RHBDF1: variants seen among roughly 807,000 people sequenced by gnomAD.
RHBDF1 encodes the protein rhomboid 5 homolog 1, also known as inactive rhomboid protein 1.
In RHBDF1, 80 loss-of-function variants were observed where a neutral mutation model predicts 98.6. That is an observed-to-expected ratio of 0.81 (90% confidence interval 0.68 to 0.98). RHBDF1 has a LOEUF of 0.98. Ranked by LOEUF, RHBDF1 falls within the 50% of genes least tolerant of loss-of-function variation. The pLI, the probability that RHBDF1 is intolerant of heterozygous loss-of-function variation, is 0.00. For synonymous variants in RHBDF1, 512 were observed against 486.8 expected (o/e 1.05, Z -0.68); for missense variants, 1,116 against 1,198.3 (o/e 0.93, Z 1.01).
At chr16:64,868 G>A (rs1318017791) in intron 2 of RHBDF1, 31 bp downstream of exon 2, 3 of 1,613,908 alleles carry the variant, frequency 1.9e-6, no homozygotes, top group South Asian at 1.1e-5. Context: ...TGGACAGGGG[G>A]CACCCACAGT....
intron 1 of RHBDF1, among the ~76,000 whole-genome samples, chr16:68,400 C>T (rs956393559): frequency 6.6e-6 from 1 of 152,218 alleles, no homozygotes; most frequent in African/African-American, 2.4e-5. Flanking sequence ...ACATTGCCCT[C>T]CCAGAGACAG....
At chr16:61,303 G>T (rs902314251) in intron 10 of RHBDF1, 22 bp from the exon 11 acceptor site, 2 of 1,541,632 alleles carry the variant, frequency 1.3e-6, no homozygotes, top group East Asian at 2.5e-5. Context: ...GGAGACGAGC[G>T]GCCGCAGTCC....
Position 62,772 on chromosome 16 carries a change from T to C in RHBDF1, c.795+3A>G, listed in dbSNP as rs548997243. On this transcript the variant is annotated splice_donor_region_variant and intron_variant, in intron 6 of 17. Transcript: ENST00000262316. ...GTGGGGGGACACCCCGGGCACTTCT[T>C]ACCCGGGCAAAGAAGGATGTGTCCA... is the stretch of plus-strand genomic sequence containing the variant. 5.0e-6 allele frequency: 8 copies of C among 1,613,916 alleles called. No individual in the cohort carries two copies. The Admixed American group carries it at 1.3e-4, about 27-fold the overall frequency.
upstream of RHBDF1, chr16:72,666 C>G (rs1898010376): frequency 1.0e-6 from 1 of 980,654 alleles, no homozygotes; most frequent in Non-Finnish European, 1.2e-6. Context: ...GGGGCGGGCC[C>G]GGCCGGAGCG....
intron 13 of RHBDF1, 41 bp downstream of exon 13, chr16:60,175 G>T: frequency 6.2e-7 from 1 of 1,613,538 alleles, no homozygotes; most frequent in South Asian, 1.1e-5. Flanking sequence ...TCTCCCACAT[G>T]ACACGGAGGG....
At position 64,720 on chromosome 16, in the gene RHBDF1, G is replaced by A. The variant is rs773567220; in HGVS notation, c.227C>T (p.Ser76Phe). Residue 76 changes from serine (S) to phenylalanine (F), a missense_variant, in exon 3 of 18, where the codon TCC becomes TTC. Ser to Phe is a radical substitution (Grantham distance 155). Coordinates refer to ENST00000262316, the MANE Select transcript of RHBDF1 (RefSeq NM_022450.5). Reference sequence around the variant, plus strand: ...GTACCTGCGGATGGTCTGTGTGATGGACGTCTGGCGTTGCAGCACCGGCCG... The same window carrying A: ...GTACCTGCGGATGGTCTGTGTGATGAACGTCTGGCGTTGCAGCACCGGCCG... ...LRRPVLQRQTSITQTIRRGTA... is the reference protein window; with the variant it reads ...LRRPVLQRQTFITQTIRRGTA... The A allele has an allele frequency of 1.2e-6, 2 of 1,613,328 alleles. No individual in the cohort carries two copies. The highest frequency in any genetic ancestry group is 2.2e-5 in the South Asian group (2 of 91,046).
At chr16:60,303 A>G (rs2141845774) in intron 12 of RHBDF1, 24 bp from the exon 13 acceptor site, 2 of 1,613,874 alleles carry the variant, frequency 1.2e-6, no homozygotes, top group Non-Finnish European at 1.7e-6. Flanking sequence ...GTATGTGGTC[A>G]GACCGGCTTC....
At chr16:75,224 G>A (rs953778116), upstream of RHBDF1, among the ~76,000 whole-genome samples, 1 of 152,176 alleles carries the variant, frequency 6.6e-6, no homozygotes, top group African/African-American at 2.4e-5. Flanking sequence ...CGGGGCTGGT[G>A]GGCAGGCGTC....
intron 1 of RHBDF1, among the ~76,000 whole-genome samples, chr16:67,645 C>T (rs574268484): frequency 1.3e-5 from 2 of 152,334 alleles, no homozygotes; most frequent in East Asian, 3.9e-4. Flanking sequence ...TACCCAAAGG[C>T]GGTCCTTGGC....
chr16:64,657 C>T (rs754820452), intron 3 of RHBDF1, 42 bp downstream of exon 3: 41 of 1,577,978 alleles, frequency 2.6e-5, no homozygotes, highest in Non-Finnish European at 3.5e-5. Context: ...CCCCACCAGC[C>T]CCCAGCTCCC....
Position 62,559 on chromosome 16 carries a change from A to G in RHBDF1, c.932T>C (p.Leu311Pro). 2.5e-6 allele frequency: 4 copies of G among 1,613,114 alleles called. No individual in the cohort carries two copies. The highest frequency in any genetic ancestry group is 3.4e-6 in the Non-Finnish European group (4 of 1,179,984). The change falls in exon 7 of 18, where the codon CTT (leucine) becomes CCT (proline). Residue 311 changes from leucine to proline, a missense_variant. Coordinates refer to ENST00000262316, the MANE Select transcript of RHBDF1 (RefSeq NM_022450.5). ...TCACAGCATCAGGTGGCTGCGCTCA[A>G]GCTCGCTGCGGTCCAGGGCCCCGCC... is the stretch of plus-strand genomic sequence containing the variant. ...LTGGALDRSELERSHLMLPLE... is the reference protein window; with the variant it reads ...LTGGALDRSEPERSHLMLPLE...
intron 14 of RHBDF1, 97 bp from the exon 15 acceptor site, chr16:59,591 GC>G: frequency 6.8e-7 from 1 of 1,474,926 alleles, no homozygotes. Context: ...ACCTTTGTTG[GC>G]CCCAAGGAAG....
Position 58,526 on chromosome 16 carries a change from C to G in RHBDF1, c.2382G>C (p.Lys794Asn), listed in dbSNP as rs146954411. The part of the protein sequence containing the change: ...FAFLPYISFG[K>N]FDLYRKRCQI... ...GGCAGCGTTTCCGGTACAGGTCGAACTTGCCAAAGCTGATGTAGGGCAAGA... is the reference window on the plus strand; with the variant it reads ...GGCAGCGTTTCCGGTACAGGTCGAAGTTGCCAAAGCTGATGTAGGGCAAGA... The change falls in exon 18 of 18, where the codon AAG becomes AAC. Residue 794 changes from lysine to asparagine, a missense_variant. Lys to Asn is a moderately conservative substitution (Grantham distance 94). Coordinates refer to ENST00000262316, the MANE Select transcript of RHBDF1 (RefSeq NM_022450.5). 2.5e-6 allele frequency: 4 copies of G among 1,613,930 alleles called. No homozygotes were observed. Among genetic ancestry groups the G allele is most frequent in the Non-Finnish European group, 3.4e-6 (4 of 1,180,046 alleles).
chr16:75,758 T>C (rs2562161), upstream of RHBDF1, among the ~76,000 whole-genome samples: 135,917 of 152,184 alleles, frequency 0.89, 60,887 homozygotes, highest in African/African-American at 0.96. Context: ...CAGACACAGA[T>C]GGCCGCAGAG....
chr16:66,703 C>A (rs571982856), intron 1 of RHBDF1, among the ~76,000 whole-genome samples: 3 of 152,218 alleles, frequency 2.0e-5, no homozygotes, highest in Non-Finnish European at 4.4e-5. Flanking sequence ...AGCTTTGGGG[C>A]ACTCCCCAGG....
rs1029936643 is a variant in RHBDF1 at position 60,986 on chromosome 16, G to A, written c.1557+134C>T. The A allele has an allele frequency of 2.8e-5, 26 of 945,018 alleles. No individual in the cohort carries two copies. The Admixed American group carries it at 7.1e-4, about 26-fold the overall frequency. 58.5% of individuals were successfully genotyped at this position (945,018 alleles called of 1,614,324 possible). A position where few individuals can be genotyped will look rare whatever the true frequency, so the allele number is the denominator to read the frequency against. ...GGTGGGGATGAGGAGGAATGAATAT[G>A]ACAAGGCCTTGCGCGTAAGGACGGC... On this transcript the variant is annotated intron_variant, in intron 11 of 17. Transcript: ENST00000262316.
intron 17 of RHBDF1, 78 bp from the exon 18 acceptor site, chr16:58,837 C>G: frequency 6.4e-7 from 1 of 1,561,082 alleles, no homozygotes; most frequent in Non-Finnish European, 8.7e-7. Flanking sequence ...CTTTCTGCCC[C>G]ACTTCCCATG....
chr16:63,535 C>A, intron 4 of RHBDF1, 52 bp downstream of exon 4: 1 of 1,442,428 alleles, frequency 6.9e-7, no homozygotes, highest in Non-Finnish European at 9.3e-7. Context: ...GCAGCCCCAG[C>A]CCCTGAGAGC....
chr16:59,426 C>G lies in RHBDF1; in HGVS notation c.1886G>C (p.Cys629Ser). 1 of 1,613,812 alleles carries G rather than the reference C, an allele frequency of 6.2e-7. No homozygotes were observed. Among genetic ancestry groups the G allele is most frequent in the East Asian group, 2.2e-5 (1 of 44,876 alleles). ...RGYFHEEATLCSQVHCMDDVC... is the reference protein window; with the variant it reads ...RGYFHEEATLSSQVHCMDDVC... ...GACACTCTGCAGACCTACCTGAGAG[C>G]AGAGCGTGGCCTCCTCATGGAAGTA... The change falls in exon 15 of 18, where the codon TGC (cysteine) becomes TCC (serine). Residue 629 changes from cysteine (C) to serine (S), a missense_variant. Transcript: ENST00000262316.
Sources: gnomAD v4.1 joint callset for allele counts (sites outside exome capture counted in the v4.1 genomes callset) on GRCh38, gnomAD v4.1.1 for gene constraint, MANE v1.5 for transcripts, NCBI Gene and HGNC (gene_info 2026-07-23, HGNC 2026-07-21) for gene names.